Variants in SYN3 observed in about 807,000 individuals in gnomAD.
SYN3 encodes synapsin-3.
SYN3 carries 35 observed loss-of-function variants against 65.8 expected under a neutral mutation model. The observed-to-expected ratio is 0.53, with a 90% CI of 0.41 to 0.70. The LOEUF (loss-of-function observed/expected upper bound fraction) is 0.70. Among genes scored for constraint, SYN3 ranks in the 30% least tolerant of loss-of-function variants. The pLI is 0.00. For synonymous variants in SYN3, 270 were observed against 292.9 expected, an observed-to-expected ratio of 0.92 and a Z score of 0.80; for missense variants, 680 against 749.0, an observed-to-expected ratio of 0.91 and a Z score of 1.08.
At chr22:32,895,991 G>A (rs1375175762) in intron 4 of SYN3, among the ~76,000 whole-genome samples, 1 of 152,194 alleles carries the variant, frequency 6.6e-6, no homozygotes, top group Non-Finnish European at 1.5e-5. Flanking sequence ...CCTTAGAATA[G>A]TGCTCAGCAC....
chr22:32,866,547 A>C (rs2048694187), intron 5 of SYN3, among the ~76,000 whole-genome samples: 1 of 152,216 alleles, frequency 6.6e-6, no homozygotes, highest in Non-Finnish European at 1.5e-5. Flanking sequence ...TGTAAGATGG[A>C]GATATTAGCA....
At chr22:32,974,490 G>A (rs1313310953) in intron 3 of SYN3, among the ~76,000 whole-genome samples, 2 of 152,174 alleles carry the variant, frequency 1.3e-5, no homozygotes, top group Non-Finnish European at 1.5e-5. Context: ...TCTTCCTCCG[G>A]ACTAAACATC....
chr22:32,919,938 C>A (rs900936787), intron 4 of SYN3, among the ~76,000 whole-genome samples: 2 of 152,160 alleles, frequency 1.3e-5, no homozygotes, highest in African/African-American at 4.8e-5. Context: ...ATTTTATAGA[C>A]CATCCCCTCC....
intron 6 of SYN3, among the ~76,000 whole-genome samples, chr22:32,811,968 C>T (rs985058602): frequency 1.3e-5 from 2 of 152,196 alleles, no homozygotes; most frequent in African/African-American, 2.4e-5. Flanking sequence ...GCTCCCCTAT[C>T]CACTGCCAGG....
chr22:32,573,936 A>AT (rs562426253), intron 7 of SYN3, among the ~76,000 whole-genome samples: 10,116 of 140,578 alleles, frequency 0.072, 612 homozygotes, highest in East Asian at 0.23. Flanking sequence ...CGCCCGGCTA[A>AT]TTTTTTTTTT....
chr22:32,843,253 C>T (rs747787916), intron 6 of SYN3, among the ~76,000 whole-genome samples: 2 of 152,194 alleles, frequency 1.3e-5, no homozygotes. Flanking sequence ...AAGAGGCATT[C>T]GATAAATGGT....
At chr22:33,007,468 T>C (rs2053225796) in intron 1 of SYN3, among the ~76,000 whole-genome samples, 1 of 152,208 alleles carries the variant, frequency 6.6e-6, no homozygotes, top group Non-Finnish European at 1.5e-5. Flanking sequence ...CAAATTTATA[T>C]GTTGAAGATA....
chr22:32,922,552 G>C (rs1291866401), intron 4 of SYN3, among the ~76,000 whole-genome samples: 1 of 152,082 alleles, frequency 6.6e-6, no homozygotes, highest in African/African-American at 2.4e-5. Flanking sequence ...ACTAAGTCCG[G>C]ATCCAGAGCC....
chr22:32,543,529 A>C (rs1054022967), intron 7 of SYN3, among the ~76,000 whole-genome samples: 1 of 152,186 alleles, frequency 6.6e-6, no homozygotes, highest in Non-Finnish European at 1.5e-5. Context: ...GTGACCAGGC[A>C]AGAGTTCCCT....
chr22:32,706,456 G>A (rs998822184), intron 6 of SYN3, among the ~76,000 whole-genome samples: 7 of 152,132 alleles, frequency 4.6e-5, no homozygotes, highest in African/African-American at 9.7e-5. Flanking sequence ...AATTCTGCAC[G>A]CAACAAAAAT....
Position 32,569,590 on chromosome 22 carries a change from A to ATATATATATATATAT in SYN3, c.774+27083_774+27084insATATATATATATATA, listed in dbSNP as rs1569048509. ...CTCTCTCTATATATATATATATATA[A>ATATATATATATATAT]AATCTATCTATTTCTTCTAGGTGAT... On this transcript the variant is annotated intron_variant, in intron 7 of 13. Transcript: ENST00000358763. Among the ~76,000 whole-genome samples, 144 of 92,530 alleles carry ATATATATATATATAT rather than the reference A, an allele frequency of 1.6e-3. 1 individual carries two copies. The highest frequency in any genetic ancestry group is 4.7e-3 in the African/African-American group (141 of 30,266). 60.7% of individuals were successfully genotyped at this position (92,530 alleles called of 152,430 possible).
intron 6 of SYN3, among the ~76,000 whole-genome samples, chr22:32,708,742 G>A (rs2060913921): frequency 6.6e-6 from 1 of 152,184 alleles, no homozygotes; most frequent in African/African-American, 2.4e-5. Flanking sequence ...CAAGAGGAAG[G>A]CACCCAGGCC....
At chr22:33,040,195 T>C (rs2053938023) in intron 1 of SYN3, among the ~76,000 whole-genome samples, 1 of 151,962 alleles carries the variant, frequency 6.6e-6, no homozygotes. Flanking sequence ...TTAATAGAGA[T>C]CCATGTTAGC....
intron 6 of SYN3, among the ~76,000 whole-genome samples, chr22:32,668,969 G>C (rs779053134): frequency 0.015 from 2,293 of 152,290 alleles, 24 homozygotes; most frequent in Non-Finnish European, 0.026. Context: ...TGGAACAAAG[G>C]AGACATTGAA....
intron 6 of SYN3, among the ~76,000 whole-genome samples, chr22:32,728,417 G>A (rs1370632952): frequency 6.6e-6 from 1 of 152,182 alleles, no homozygotes; most frequent in Non-Finnish European, 1.5e-5. Flanking sequence ...CCTGTCTTAG[G>A]GCTTGAGCTC....
In SYN3 at chr22:32,576,450, G is replaced by A. The variant is rs533500309; in HGVS notation, c.774+20224C>T. Among the ~76,000 whole-genome samples the A allele has an allele frequency of 1.1e-4, 16 of 152,274 alleles. No homozygotes were observed. The South Asian group carries it at 3.3e-3, about 32-fold the overall frequency. On this transcript the variant is annotated intron_variant, in intron 7 of 13. Transcript: ENST00000358763. ...GAGTAGGAAAACGCACATGAACTAC[G>A]AAGCACAGGGCCTGGCACCTAGTAT...
intron 4 of SYN3, among the ~76,000 whole-genome samples, chr22:32,929,003 C>T (rs1265855523): frequency 6.6e-6 from 1 of 152,150 alleles, no homozygotes; most frequent in Admixed American, 6.5e-5. Flanking sequence ...GTTGTATCGG[C>T]TGGTCGCGGT....
chr22:32,899,754 C>G (rs1341389563), intron 4 of SYN3, among the ~76,000 whole-genome samples: 1 of 152,222 alleles, frequency 6.6e-6, no homozygotes, highest in Non-Finnish European at 1.5e-5. Context: ...CTCTTTTGAG[C>G]CTTCGTTCTT....
intron 2 of SYN3, among the ~76,000 whole-genome samples, chr22:32,987,687 G>C (rs776361345): frequency 6.6e-6 from 1 of 152,168 alleles, no homozygotes; most frequent in Non-Finnish European, 1.5e-5. Context: ...CCCACCTTTT[G>C]CCTCTGAGAA....
Sources: allele counts gnomAD v4.1 joint callset (sites outside exome capture counted in the v4.1 genomes callset), GRCh38; gene constraint gnomAD v4.1.1; transcripts MANE v1.5; gene names NCBI Gene and HGNC (gene_info 2026-07-23, HGNC 2026-07-21).